Variants in TENM2 observed in about 807,000 individuals in gnomAD.
The protein encoded by TENM2 is teneurin transmembrane protein 2.
A neutral mutation model predicts 245.2 loss-of-function variants in TENM2; 52 were observed. That is an observed-to-expected ratio of 0.21 (90% CI 0.17 to 0.27). The LOEUF (loss-of-function observed/expected upper bound fraction) is 0.27. Among genes scored for constraint, TENM2 ranks in the 10% least tolerant of loss-of-function variants. TENM2 has a pLI of 1.00. For missense variants in TENM2, 3,046 were observed against 3,666.8 expected, an observed-to-expected ratio of 0.83 and a Z score of 4.37; for synonymous variants, 1,363 against 1,438.9, an observed-to-expected ratio of 0.95 and a Z score of 1.19.
At chr5:167,863,022 A>C (rs1416010661) in intron 2 of TENM2, among the ~76,000 whole-genome samples, 1 of 152,232 alleles carries the variant, frequency 6.6e-6, no homozygotes, top group African/African-American at 2.4e-5. Context: ...CTATGTAGCC[A>C]TACAATGCTT....
intron 12 of TENM2, among the ~76,000 whole-genome samples, chr5:168,135,482 AT>A (rs1225995226): frequency 1.3e-5 from 2 of 152,156 alleles, no homozygotes; most frequent in African/African-American, 4.8e-5. Context: ...AATGGGGTTT[AT>A]TGCTTGCTTC....
At chr5:167,304,899 C>T (rs564602452) in intron 1 of TENM2, among the ~76,000 whole-genome samples, 46 of 152,248 alleles carry the variant, frequency 3.0e-4, no homozygotes, top group Non-Finnish European at 5.6e-4. Flanking sequence ...CCTGTAAATT[C>T]CTTGAAAGAC....
chr5:167,996,510 G>C (rs1784059605), intron 5 of TENM2, among the ~76,000 whole-genome samples: 1 of 152,156 alleles, frequency 6.6e-6, no homozygotes, highest in Non-Finnish European at 1.5e-5. Flanking sequence ...TCTCAGGAAG[G>C]TGTCTTTCTT....
At chr5:167,573,303 T>C (rs1279774908) in intron 2 of TENM2, among the ~76,000 whole-genome samples, 7 of 152,154 alleles carry the variant, frequency 4.6e-5, no homozygotes, top group African/African-American at 1.7e-4. Context: ...CACAGTTAAA[T>C]GCCAATCAGA....
chr5:168,154,335 G>C (rs1263212986), intron 12 of TENM2, among the ~76,000 whole-genome samples: 1 of 151,904 alleles, frequency 6.6e-6, no homozygotes, highest in Non-Finnish European at 1.5e-5. Context: ...TCCTGCCTCA[G>C]CCTCTCAAGT....
intron 1 of TENM2, among the ~76,000 whole-genome samples, chr5:167,310,408 C>T (rs898442659): frequency 1.3e-5 from 2 of 152,120 alleles, no homozygotes; most frequent in African/African-American, 4.8e-5. Context: ...GTAGAAAGTC[C>T]TCCTTAGAGT....
chr5:167,879,776 G>A (rs1451701340), intron 3 of TENM2, among the ~76,000 whole-genome samples: 2 of 152,086 alleles, frequency 1.3e-5, no homozygotes, highest in Non-Finnish European at 2.9e-5. Context: ...AGGACATCTT[G>A]GTAGATCTTA....
At chr5:167,262,304 G>T in the TENM2 span, among the ~76,000 whole-genome samples, 1 of 151,696 alleles carries the variant, frequency 6.6e-6, no homozygotes, top group South Asian at 2.1e-4. Context: ...GTTGCAGTGG[G>T]CTGGGATCAC....
intron 6 of TENM2, among the ~76,000 whole-genome samples, chr5:168,051,385 G>A (rs1274506761): frequency 6.6e-6 from 1 of 151,992 alleles, no homozygotes; most frequent in African/African-American, 2.4e-5. Context: ...AGAATAAAAT[G>A]GTGGAATTGA....
the TENM2 span, among the ~76,000 whole-genome samples, chr5:167,034,385 C>T: frequency 2.0e-5 from 3 of 152,178 alleles, no homozygotes; most frequent in South Asian, 6.2e-4. Context: ...AATCCCAGCA[C>T]TTTGGGAGGC....
At chr5:168,103,353 C>A (rs1003227987) in intron 9 of TENM2, among the ~76,000 whole-genome samples, 1 of 152,180 alleles carries the variant, frequency 6.6e-6, no homozygotes. Context: ...AAGACATTAA[C>A]ATCCATACAA....
At chr5:167,783,733 TC>T (rs1324506031) in intron 2 of TENM2, among the ~76,000 whole-genome samples, 1 of 152,130 alleles carries the variant, frequency 6.6e-6, no homozygotes, top group Non-Finnish European at 1.5e-5. Context: ...TCAGCCAGTA[TC>T]TGAAGGGTTC....
chr5:167,843,749 T>C (rs1464943486), intron 2 of TENM2, among the ~76,000 whole-genome samples: 4 of 152,154 alleles, frequency 2.6e-5, no homozygotes, highest in African/African-American at 9.7e-5. Context: ...TTTCCATGAA[T>C]ATAATAATAA....
chr5:167,264,931 T>C, the TENM2 span, among the ~76,000 whole-genome samples: 4 of 152,150 alleles, frequency 2.6e-5, no homozygotes. Flanking sequence ...AAATAGCTTT[T>C]TCAGCTAAGA....
chr5:167,496,714 T>A (rs1164102166), intron 2 of TENM2, among the ~76,000 whole-genome samples: 1 of 152,134 alleles, frequency 6.6e-6, no homozygotes, highest in African/African-American at 2.4e-5. Context: ...GCACAGACCC[T>A]CCATTGAGTT....
chr5:167,437,348 T>C (rs564822073), intron 2 of TENM2, among the ~76,000 whole-genome samples: 2 of 152,212 alleles, frequency 1.3e-5, no homozygotes, highest in East Asian at 1.9e-4. Flanking sequence ...TTTTGGCCAA[T>C]GTCTTCCATT....
At position 168,218,708 on chromosome 5, in the gene TENM2, T is replaced by C. The variant is rs1403565022; in HGVS notation, c.4817T>C (p.Val1606Ala). ...GCTGATGGCATCCACCAATACACTG[T>C]GAGCCTGGTGACAGGGGAGTACTTG... The change falls in exon 23 of 29, where the codon GTG becomes GCG. Residue 1606 changes from valine (V) to alanine (A), a missense_variant. By Grantham distance (64) the Val-to-Ala change is moderately conservative. Transcript: ENST00000518659. The surrounding 1 kb of genome is among the most constrained non-coding windows in gnomAD (Gnocchi z 5.2). 1.9e-6 allele frequency: 3 copies of C among 1,613,916 alleles called. No individual in the cohort carries two copies. Among genetic ancestry groups the C allele is most frequent in the African/African-American group, 1.3e-5 (1 of 74,942 alleles).
At chr5:167,674,325 A>G (rs1756163370) in intron 2 of TENM2, among the ~76,000 whole-genome samples, 1 of 152,012 alleles carries the variant, frequency 6.6e-6, no homozygotes, top group South Asian at 2.1e-4. Context: ...CCTTTGTTCT[A>G]CCTGGGTATC....
the TENM2 span, among the ~76,000 whole-genome samples, chr5:167,066,622 A>C: frequency 6.7e-6 from 1 of 150,000 alleles, no homozygotes; most frequent in Non-Finnish European, 1.5e-5. Flanking sequence ...ATGAGTGAGA[A>C]TTTTATATAT....
Sources: allele counts gnomAD v4.1 joint callset (sites outside exome capture counted in the v4.1 genomes callset), GRCh38; gene constraint gnomAD v4.1.1; non-coding constraint Gnocchi (gnomAD v3.1); transcripts MANE v1.5; gene names NCBI Gene and HGNC (gene_info 2026-07-23, HGNC 2026-07-21).